The following PPM1L variants were observed in gnomAD, a reference collection of about 807,000 sequenced individuals.
PPM1L encodes protein phosphatase, Mg2+/Mn2+ dependent 1L, also known as protein phosphatase 1L.
PPM1L carries 13 observed loss-of-function variants against 31.4 expected under a neutral mutation model. The ratio of observed to expected loss-of-function variants is 0.41; its 90% CI spans 0.27 to 0.66. The LOEUF is 0.66. Among genes scored for constraint, PPM1L ranks in the 30% least tolerant of loss-of-function variants. The pLI, the probability that PPM1L is intolerant of heterozygous loss-of-function variation, is 0.29. For missense variants in PPM1L, 326 were observed against 453.7 expected (o/e 0.72, Z 2.56); for synonymous variants, 184 against 175.4 (o/e 1.05, Z -0.39).
chr3:160,918,528 A>G (rs1384342208), intron 1 of PPM1L, among the ~76,000 whole-genome samples: 2 of 152,248 alleles, frequency 1.3e-5, no homozygotes, highest in Non-Finnish European at 2.9e-5. Flanking sequence ...TGAAAAATAA[A>G]ACTGAATCTG....
chr3:161,076,105 T>TAGAG lies in PPM1L; in HGVS notation c.*6951_*6954dup, dbSNP rs900558699. 6.6e-6 allele frequency: 1 copy of TAGAG among 152,236 alleles called. No homozygotes were observed. The highest frequency in any genetic ancestry group is 2.4e-5 in the African/African-American group (1 of 41,454). The allele number at this position is 152,236 out of a possible 1,614,324, so 9.4% of individuals were successfully genotyped here. ...AGAGTGATTTGATATTCTTGCTTCT[T>TAGAG]AGAGAGTTTTCTAATCCATATAATG... On this transcript the variant is annotated 3_prime_UTR_variant, in exon 4 of 4. Transcript: ENST00000498165.
chr3:161,005,316 A>G (rs1295203738), intron 2 of PPM1L, among the ~76,000 whole-genome samples: 1 of 152,212 alleles, frequency 6.6e-6, no homozygotes, highest in East Asian at 1.9e-4. Context: ...TTTTCAGCAC[A>G]GTACTAGTTT....
At chr3:161,033,190 G>A (rs1193175326) in intron 2 of PPM1L, among the ~76,000 whole-genome samples, 2 of 152,124 alleles carry the variant, frequency 1.3e-5, no homozygotes, top group Non-Finnish European at 2.9e-5. Context: ...CGAAATAAGA[G>A]AGGACACAAA....
At chr3:160,978,301 G>C (rs6778357) in intron 2 of PPM1L, among the ~76,000 whole-genome samples, 190 of 152,286 alleles carry the variant, frequency 1.2e-3, no homozygotes, top group Non-Finnish European at 1.3e-3. Flanking sequence ...GGCATCCCAT[G>C]CCTTGGCATC....
At chr3:160,821,638 G>A (rs1468558392) in intron 1 of PPM1L, among the ~76,000 whole-genome samples, 3 of 152,018 alleles carry the variant, frequency 2.0e-5, no homozygotes, top group African/African-American at 7.2e-5. Flanking sequence ...GTACAGCTAA[G>A]AGTCCTGCAG....
intron 1 of PPM1L, among the ~76,000 whole-genome samples, chr3:160,923,373 C>T (rs1470298361): frequency 6.6e-6 from 1 of 152,080 alleles, no homozygotes; most frequent in African/African-American, 2.4e-5. Context: ...TTTTATTGTT[C>T]TGAAGAGCTT....
chr3:160,822,307 A>G (rs1007067170), intron 1 of PPM1L, among the ~76,000 whole-genome samples: 10 of 151,950 alleles, frequency 6.6e-5, no homozygotes, highest in Non-Finnish European at 1.5e-4. Flanking sequence ...ATGATCCAGA[A>G]CTCCATCATT....
At chr3:160,864,098 G>T (rs940910528) in intron 1 of PPM1L, among the ~76,000 whole-genome samples, 2 of 152,112 alleles carry the variant, frequency 1.3e-5, no homozygotes, top group South Asian at 2.1e-4. Flanking sequence ...AATTGCTGGG[G>T]TCTCACTGAG....
At chr3:160,922,795 G>T (rs1714459267) in intron 1 of PPM1L, among the ~76,000 whole-genome samples, 1 of 152,092 alleles carries the variant, frequency 6.6e-6, no homozygotes, top group Non-Finnish European at 1.5e-5. Flanking sequence ...TCTTTTTAAG[G>T]AACCATCTAT....
rs139298562 is a variant in PPM1L at position 161,031,708 on chromosome 3, G to A, written c.575-33695G>A. Among the ~76,000 whole-genome samples the A allele has an allele frequency of 5.9e-5, 9 of 151,874 alleles. No individual in the cohort carries two copies. The East Asian group carries it at 1.8e-3, about 30-fold the overall frequency. On this transcript the variant is annotated intron_variant, in intron 2 of 3. Coordinates refer to ENST00000498165, the MANE Select transcript of PPM1L (RefSeq NM_139245.4). Reference sequence around the variant, plus strand: ...TTTTTGTGGAGACAGGTCTCGCTGTGTTGCCCAGGCTGGTCTCAAACTCCT... The same window carrying A: ...TTTTTGTGGAGACAGGTCTCGCTGTATTGCCCAGGCTGGTCTCAAACTCCT...
intron 1 of PPM1L, among the ~76,000 whole-genome samples, chr3:160,870,387 G>A (rs1712260718): frequency 6.6e-6 from 1 of 152,174 alleles, no homozygotes; most frequent in Non-Finnish European, 1.5e-5. Flanking sequence ...TAGCCGAATG[G>A]TTCAAAAATA....
chr3:160,961,756 A>C lies in PPM1L; in HGVS notation c.420A>C (p.Lys140Asn). 1 of 1,586,536 alleles carries C rather than the reference A, an allele frequency of 6.3e-7. No homozygotes were observed. Among genetic ancestry groups the C allele is most frequent in the Admixed American group, 1.9e-5 (1 of 53,414 alleles). Residue 140 changes from lysine (K) to asparagine (N), a missense_variant, in exon 2 of 4, where the codon AAA becomes AAC. Lys to Asn is a moderately conservative substitution (Grantham distance 94). Coordinates refer to ENST00000498165, the MANE Select transcript of PPM1L (RefSeq NM_139245.4). ...HGGETAAEYV[K>N]SRLPEALKQH... ...TGCAGACTGCAGCTGAATATGTAAA[A>C]TCTCGACTCCCAGAGGCCCTTAAAC...
intron 2 of PPM1L, among the ~76,000 whole-genome samples, chr3:160,973,500 C>T (rs1716424109): frequency 6.6e-6 from 1 of 152,122 alleles, no homozygotes; most frequent in Non-Finnish European, 1.5e-5. Flanking sequence ...TAATGACATA[C>T]ACATTAATGG....
rs534769928 is a variant in PPM1L, at chr3:160,994,139, T to C, written c.574+32229T>C. Reference sequence around the variant, plus strand: ...TAAATATACTTGATGAATTATTAATTCATCCAGAAAATAGTAATTGGGCAC... The same window carrying C: ...TAAATATACTTGATGAATTATTAATCCATCCAGAAAATAGTAATTGGGCAC... On this transcript the variant is annotated intron_variant, in intron 2 of 3. Transcript: ENST00000498165. 1.1e-4 allele frequency among the ~76,000 whole-genome samples: 16 copies of C among 152,270 alleles called. No homozygotes were observed. The South Asian group carries it at 3.1e-3, about 30-fold the overall frequency.
intron 1 of PPM1L, among the ~76,000 whole-genome samples, chr3:160,806,643 G>A (rs772315478): frequency 1.3e-5 from 2 of 152,056 alleles, no homozygotes; most frequent in African/African-American, 4.8e-5. Flanking sequence ...GCACAGTGGC[G>A]GGCTGTAGAC....
intron 2 of PPM1L, among the ~76,000 whole-genome samples, chr3:160,967,814 C>T (rs1046764017): frequency 2.0e-5 from 3 of 152,074 alleles, no homozygotes; most frequent in African/African-American, 7.2e-5. Context: ...CAACCATATA[C>T]GTGACCTTGA....
chr3:160,925,250 A>T (rs561899782), intron 1 of PPM1L, among the ~76,000 whole-genome samples: 1 of 152,302 alleles, frequency 6.6e-6, no homozygotes, highest in Admixed American at 6.5e-5. Flanking sequence ...TGTCACATTT[A>T]TATGCGCAGA....
chr3:160,863,281 GGCCCTCAGTTAT>G (rs1330198606), intron 1 of PPM1L, among the ~76,000 whole-genome samples: 1 of 152,134 alleles, frequency 6.6e-6, no homozygotes, highest in Non-Finnish European at 1.5e-5. Context: ...GCAAATGAGA[GGCCCTCAGTTAT>G]CTGGTCTTAC....
intron 1 of PPM1L, among the ~76,000 whole-genome samples, chr3:160,869,509 T>A (rs1712222907): frequency 1.3e-5 from 2 of 151,538 alleles, no homozygotes; most frequent in African/African-American, 4.8e-5. Context: ...TTGTAAATTT[T>A]TTAAAGTTTT....
Sources: allele counts gnomAD v4.1 joint callset (sites outside exome capture counted in the v4.1 genomes callset), GRCh38; gene constraint gnomAD v4.1.1; transcripts MANE v1.5; gene names NCBI Gene and HGNC (gene_info 2026-07-23, HGNC 2026-07-21).